Variants in FRMPD1 observed in about 807,000 individuals in gnomAD.
FRMPD1 encodes FERM and PDZ domain-containing protein 1.
A neutral mutation model predicts 117.8 loss-of-function variants in FRMPD1; 76 were observed. The observed-to-expected ratio is 0.65, with a 90% confidence interval of 0.54 to 0.78. The LOEUF is 0.78. Among genes scored for constraint, FRMPD1 ranks in the 30% least tolerant of loss-of-function variants. The pLI is 0.00. For missense variants in FRMPD1, 1,786 were observed against 1,964.5 expected, an observed-to-expected ratio of 0.91 and a Z score of 1.72; for synonymous variants, 783 against 770.4, an observed-to-expected ratio of 1.02 and a Z score of -0.27.
At chr9:37,650,213 A>G (rs1020235273), upstream of FRMPD1, among the ~76,000 whole-genome samples, 1 of 152,314 alleles carries the variant, frequency 6.6e-6, no homozygotes, top group Admixed American at 6.5e-5. Flanking sequence ...GCACAGACAC[A>G]TGCATTTGGG....
At chr9:37,734,120 C>T (rs1430056361) in intron 12 of FRMPD1, among the ~76,000 whole-genome samples, 1 of 152,114 alleles carries the variant, frequency 6.6e-6, no homozygotes, top group Non-Finnish European at 1.5e-5. Flanking sequence ...AGGCCTATTG[C>T]TGTGGAGTTT....
At position 37,746,209 on chromosome 9, in the gene FRMPD1, C is replaced by T. The variant is rs768327411; in HGVS notation, c.4177C>T (p.Leu1393=). 1.9e-6 allele frequency: 3 copies of T among 1,613,240 alleles called. No homozygotes were observed. Among genetic ancestry groups the T allele is most frequent in the East Asian group, 2.2e-5 (1 of 44,904 alleles). ...AGCCCACAGCTGCACCACCGCACCC[C>T]TGTCGAGGAAAAGCCACATCTGGCC... ...ARAHSCTTAP[L]SRKSHIWPEY... Residue 1393 remains leucine (L), a synonymous_variant, in exon 16 of 16, where the codon CTG becomes TTG. Transcript: ENST00000377765.
chr9:37,637,967 T>TTTCTTTCTTTCTTTCTTTC, the FRMPD1 span, among the ~76,000 whole-genome samples: 1 of 55,464 alleles, frequency 1.8e-5, no homozygotes, highest in African/African-American at 7.2e-5. Flanking sequence ...GTGTATGCTT[T>TTTCTTTCTTTCTTTCTTTC]CTTTCTTTCT....
chr9:37,708,566 AG>A, intron 4 of FRMPD1, 65 bp downstream of exon 4: 1 of 975,644 alleles, frequency 1.0e-6, no homozygotes, highest in Non-Finnish European at 1.7e-6. Context: ...GATGGGCAAC[AG>A]GAATGGCATA....
At chr9:37,681,660 A>C (rs940294837) in intron 1 of FRMPD1, among the ~76,000 whole-genome samples, 4 of 152,240 alleles carry the variant, frequency 2.6e-5, no homozygotes, top group African/African-American at 9.6e-5. Flanking sequence ...CTTTGGGCTT[A>C]GAAGGTTCCA....
the FRMPD1 span, among the ~76,000 whole-genome samples, chr9:37,610,529 TTTTCA>T: frequency 6.6e-6 from 1 of 152,120 alleles, no homozygotes; most frequent in Non-Finnish European, 1.5e-5. Flanking sequence ...ATATCTCTCT[TTTTCA>T]TTTATCATAT....
At chr9:37,638,142 C>T in the FRMPD1 span, among the ~76,000 whole-genome samples, 7 of 151,550 alleles carry the variant, frequency 4.6e-5, no homozygotes, top group South Asian at 4.2e-4. Context: ...GGCGTTATCT[C>T]GGCTCGCTGC....
At chr9:37,723,185 A>G (rs185133875) in intron 6 of FRMPD1, among the ~76,000 whole-genome samples, 1 of 152,154 alleles carries the variant, frequency 6.6e-6, no homozygotes, top group East Asian at 1.9e-4. Context: ...TCCCACCCCA[A>G]TCCTACAAGG....
At chr9:37,727,302 C>T (rs1381139977) in intron 7 of FRMPD1, among the ~76,000 whole-genome samples, 2 of 152,168 alleles carry the variant, frequency 1.3e-5, no homozygotes, top group African/African-American at 4.8e-5. Context: ...TAAAGGGCCA[C>T]ATAGTGAGTA....
At chr9:37,647,187 G>A (rs1381546333), upstream of FRMPD1, among the ~76,000 whole-genome samples, 1 of 152,066 alleles carries the variant, frequency 6.6e-6, no homozygotes, top group Non-Finnish European at 1.5e-5. Context: ...CACCAAAAAT[G>A]ACTCTTCAGA....
chr9:37,707,174 C>A (rs564056106), intron 2 of FRMPD1, among the ~76,000 whole-genome samples: 4 of 152,304 alleles, frequency 2.6e-5, no homozygotes, highest in African/African-American at 9.6e-5. Flanking sequence ...GTGTCCATAG[C>A]ACTTCCTGGG....
chr9:37,736,046 G>A (rs904243195), intron 13 of FRMPD1, among the ~76,000 whole-genome samples: 1 of 151,146 alleles, frequency 6.6e-6, no homozygotes, highest in Non-Finnish European at 1.5e-5. Context: ...TGTTGCCCAG[G>A]CTGGAGGGCA....
chr9:37,661,265 A>C (rs979339919), intron 1 of FRMPD1, among the ~76,000 whole-genome samples: 1 of 152,030 alleles, frequency 6.6e-6, no homozygotes, highest in Admixed American at 6.6e-5. Flanking sequence ...GTGCAGGGGG[A>C]AGTACCCAGG....
At chr9:37,667,703 G>A (rs78215481) in intron 1 of FRMPD1, among the ~76,000 whole-genome samples, 6 of 130,652 alleles carry the variant, frequency 4.6e-5, no homozygotes, top group Non-Finnish European at 6.4e-5. Flanking sequence ...AAAAAAAAAA[G>A]AAGGTTACCC....
intron 1 of FRMPD1, among the ~76,000 whole-genome samples, chr9:37,683,088 A>G (rs988950483): frequency 2.0e-5 from 3 of 152,128 alleles, no homozygotes; most frequent in African/African-American, 2.4e-5. Context: ...TTCTATCTCT[A>G]TACATTTACC....
At chr9:37,633,903 T>C in the FRMPD1 span, among the ~76,000 whole-genome samples, 3 of 152,146 alleles carry the variant, frequency 2.0e-5, no homozygotes, top group African/African-American at 7.2e-5. Flanking sequence ...GATTTGGAGT[T>C]TATTTCTGTG....
At chr9:37,666,125 A>T (rs910538543) in intron 1 of FRMPD1, among the ~76,000 whole-genome samples, 2 of 152,200 alleles carry the variant, frequency 1.3e-5, no homozygotes, top group African/African-American at 4.8e-5. Flanking sequence ...GTGGGGCAGA[A>T]CATAGCAAAT....
chr9:37,726,864 G>A (rs1157755266), intron 7 of FRMPD1, among the ~76,000 whole-genome samples: 3 of 152,236 alleles, frequency 2.0e-5, no homozygotes, highest in South Asian at 2.1e-4. Flanking sequence ...GACAGAAGCC[G>A]TGTGGTACAG....
Position 37,711,852 on chromosome 9 carries a change from G to A in FRMPD1, c.408+457G>A, listed in dbSNP as rs554562237. ...TTATCAGCTCTGAGGCTCACCACAC[G>A]GCAAGGTGTGGCATAGATGATGCAC... On this transcript the variant is annotated intron_variant, in intron 5 of 15. Transcript: ENST00000377765. Among the ~76,000 whole-genome samples the A allele has an allele frequency of 1.8e-4, 27 of 152,268 alleles. 1 individual carries two copies. Among genetic ancestry groups the A allele is most frequent in the South Asian group, 8.3e-4 (4 of 4,818 alleles).
Sources: gnomAD v4.1 joint callset for allele counts (sites outside exome capture counted in the v4.1 genomes callset) on GRCh38, gnomAD v4.1.1 for gene constraint, MANE v1.5 for transcripts, NCBI Gene and HGNC (gene_info 2026-07-23, HGNC 2026-07-21) for gene names.